The following ARPP21 variants were observed in gnomAD, a reference collection of about 807,000 sequenced individuals.
ARPP21 encodes cAMP-regulated phosphoprotein 21.
A neutral mutation model predicts 113.2 loss-of-function variants in ARPP21; 69 were observed. That is an observed-to-expected ratio of 0.61 (90% confidence interval 0.50 to 0.74). ARPP21 has a LOEUF of 0.74. ARPP21 is among the 30% of genes least tolerant of loss of function. ARPP21 has a pLI of 0.00. For missense variants in ARPP21, 1,070 were observed against 1,037.4 expected, an observed-to-expected ratio of 1.03 and a Z score of -0.43; for synonymous variants, 368 against 375.5, an observed-to-expected ratio of 0.98 and a Z score of 0.23.
At position 35,691,020 on chromosome 3, in the gene ARPP21, T is replaced by G. The variant is rs375571728; in HGVS notation, c.686+15T>G. On this transcript the variant is annotated intron_variant, in intron 9 of 20. Transcript: ENST00000684406. ...AGCACCAGAATGTAAGCCCCATCACTGTACTTATTTAGCATTTTCTTTTTC... is the reference window on the plus strand; with the variant it reads ...AGCACCAGAATGTAAGCCCCATCACGGTACTTATTTAGCATTTTCTTTTTC... The G allele has an allele frequency of 3.1e-6, 5 of 1,594,882 alleles. No homozygotes were observed. Among genetic ancestry groups the G allele is most frequent in the Non-Finnish European group, 2.6e-6 (3 of 1,171,824 alleles).
At chr3:35,692,446 A>C (rs1184706872) in intron 9 of ARPP21, among the ~76,000 whole-genome samples, 1 of 151,574 alleles carries the variant, frequency 6.6e-6, no homozygotes, top group Non-Finnish European at 1.5e-5. Flanking sequence ...GGACATGCTG[A>C]TTGCAAAATA....
chr3:35,790,164 A>G (rs1320128653), intron 19 of ARPP21, among the ~76,000 whole-genome samples: 1 of 152,184 alleles, frequency 6.6e-6, no homozygotes, highest in East Asian at 1.9e-4. Flanking sequence ...AATATAATCC[A>G]AAGTACTAAA....
intron 15 of ARPP21, among the ~76,000 whole-genome samples, chr3:35,731,977 C>G (rs2094007678): frequency 6.6e-6 from 1 of 152,006 alleles, no homozygotes; most frequent in Admixed American, 6.6e-5. Flanking sequence ...TGTTGCTTCT[C>G]CAGAATGGAT....
intron 19 of ARPP21, among the ~76,000 whole-genome samples, chr3:35,776,094 AAAAT>A (rs1282278559): frequency 6.6e-6 from 1 of 152,370 alleles, no homozygotes; most frequent in South Asian, 2.1e-4. Flanking sequence ...ACATAAATAG[AAAAT>A]AAATAAAACA....
chr3:35,778,381 G>A (rs1343683031), intron 19 of ARPP21, among the ~76,000 whole-genome samples: 1 of 152,096 alleles, frequency 6.6e-6, no homozygotes, highest in Non-Finnish European at 1.5e-5. Context: ...AGAGATCAAA[G>A]GGCAGAGGGA....
intron 19 of ARPP21, among the ~76,000 whole-genome samples, chr3:35,748,094 GAAAGAAAGAAAGAAAGAAGA>G (rs774364617): frequency 8.2e-6 from 1 of 122,542 alleles, no homozygotes; most frequent in Non-Finnish European, 1.7e-5. Flanking sequence ...AAGAAAGAAA[GAAAGAAAGAAAGAAAGAAGA>G]AAGAAAGAAA....
chr3:35,709,091 C>A, intron 11 of ARPP21, 21 bp downstream of exon 11: 1 of 1,528,702 alleles, frequency 6.5e-7, no homozygotes, highest in South Asian at 1.1e-5. Context: ...GTTTTAATTG[C>A]CTCTTTAGTG....
intron 13 of ARPP21, among the ~76,000 whole-genome samples, chr3:35,719,635 G>T (rs78077888): frequency 0.019 from 2,836 of 152,238 alleles, 94 homozygotes; most frequent in South Asian, 0.12. Flanking sequence ...CCATGGAGGT[G>T]CAGAGTTCAT....
At chr3:35,708,907 T>C in intron 10 of ARPP21, 62 bp from the exon 11 acceptor site, 4 of 1,131,516 alleles carry the variant, frequency 3.5e-6, no homozygotes, top group Non-Finnish European at 5.3e-6. Context: ...TGACAGTTGC[T>C]TAACCACAGA....
chr3:35,643,922 T>C (rs989846197), intron 1 of ARPP21: 1 of 152,012 alleles, frequency 6.6e-6, no homozygotes, highest in African/African-American at 2.4e-5. Context: ...CTTAAAAATA[T>C]ATTATATCAC....
intron 1 of ARPP21, among the ~76,000 whole-genome samples, chr3:35,667,963 GAAGAAGAAGAAGAAGAAGAAGAAGAAGA>G (rs2075108913): frequency 1.2e-5 from 1 of 84,248 alleles, no homozygotes; most frequent in Non-Finnish European, 2.5e-5. Context: ...AGAAGAAGAA[GAAGAAGAAGAAGAAGAAGAAGAAGAAGA>G]AGAAGAAGAA....
chr3:35,770,834 T>C (rs997509831), intron 19 of ARPP21, among the ~76,000 whole-genome samples: 1 of 152,208 alleles, frequency 6.6e-6, no homozygotes, highest in Non-Finnish European at 1.5e-5. Context: ...ATGTTGAGAA[T>C]CACTGCAGTA....
intron 9 of ARPP21, among the ~76,000 whole-genome samples, chr3:35,703,516 C>A (rs892542795): frequency 4.6e-5 from 7 of 151,766 alleles, no homozygotes; most frequent in African/African-American, 1.7e-4. Context: ...TGTGGAAAAA[C>A]ATATTTTTAC....
rs143522807 is a variant in ARPP21 at position 35,701,520 on chromosome 3, T to C, written c.687-5454T>C. 2.8e-3 allele frequency among the ~76,000 whole-genome samples: 419 copies of C among 151,798 alleles called. 2 individuals carry two copies. The highest frequency in any genetic ancestry group is 9.3e-3 in the African/African-American group (386 of 41,472). On this transcript the variant is annotated intron_variant, in intron 9 of 20. Transcript: ENST00000684406. ...AAGCTCACGCACCTAGTATATAATA[T>C]ACCAGGTCTGAATTGCGGGTGATTA... is the stretch of plus-strand genomic sequence containing the variant.
Position 35,743,903 on chromosome 3 carries a change from T to A in ARPP21, c.2075T>A (p.Met692Lys). The change falls in exon 19 of 21, where the codon ATG (methionine) becomes AAG (lysine). Residue 692 changes from methionine to lysine, a missense_variant. By Grantham distance (95) the Met-to-Lys change is moderately conservative. Coordinates refer to ENST00000684406, the MANE Select transcript of ARPP21 (RefSeq NM_001385562.1). ...PTSTTQQYRPMAPVQYNAQRS... is the reference protein window; with the variant it reads ...PTSTTQQYRPKAPVQYNAQRS... ...TCAACCACGCAACAGTACCGGCCCA[T>A]GGCCCCGGTTCAGTACAACGCTCAG... is the stretch of plus-strand genomic sequence containing the variant. 1 of 1,613,732 alleles carries A rather than the reference T, an allele frequency of 6.2e-7. No individual in the cohort carries two copies. Among genetic ancestry groups the A allele is most frequent in the East Asian group, 2.2e-5 (1 of 44,874 alleles).
chr3:35,778,022 T>C (rs1043170223), intron 19 of ARPP21, among the ~76,000 whole-genome samples: 1 of 152,180 alleles, frequency 6.6e-6, no homozygotes. Context: ...GCTGAAGCAG[T>C]CATGCTAAGT....
chr3:35,749,846 A>G (rs1482063186), intron 19 of ARPP21, among the ~76,000 whole-genome samples: 4 of 152,124 alleles, frequency 2.6e-5, no homozygotes, highest in Admixed American at 6.5e-5. Context: ...TTAAGAGTAT[A>G]AAATTGATAG....
chr3:35,648,050 T>C (rs1159683388), intron 1 of ARPP21, among the ~76,000 whole-genome samples: 1 of 152,218 alleles, frequency 6.6e-6, no homozygotes, highest in Admixed American at 6.5e-5. Context: ...TAATTTGGAA[T>C]ACAGCTCTCC....
chr3:35,707,308 G>A, intron 10 of ARPP21: 1 of 639,154 alleles, frequency 1.6e-6, no homozygotes, highest in South Asian at 1.6e-5. Context: ...TCTGTGTTGG[G>A]CTGCATGGGT....
Sources: allele counts gnomAD v4.1 joint callset (sites outside exome capture counted in the v4.1 genomes callset), GRCh38; gene constraint gnomAD v4.1.1; transcripts MANE v1.5; gene names NCBI Gene and HGNC (gene_info 2026-07-23, HGNC 2026-07-21).